Variants in SPIN1 observed in about 807,000 individuals in gnomAD.
SPIN1 encodes the protein spindlin-1.
Under a neutral mutation model 26.0 loss-of-function variants are expected in SPIN1, and 3 were observed. That is an observed-to-expected ratio of 0.12 (90% confidence interval 0.05 to 0.30). SPIN1 has a LOEUF of 0.30. Among genes scored for constraint, SPIN1 ranks in the 10% least tolerant of loss-of-function variants. The pLI is 1.00. For missense variants in SPIN1, 126 were observed against 333.4 expected, an observed-to-expected ratio of 0.38 and a Z score of 4.84; for synonymous variants, 101 against 116.5, an observed-to-expected ratio of 0.87 and a Z score of 0.86.
chr9:88,400,844 CAAAAA>C (rs754813928), intron 1 of SPIN1, among the ~76,000 whole-genome samples: 1 of 99,724 alleles, frequency 1.0e-5, no homozygotes. Flanking sequence ...GACTCCGCCT[CAAAAA>C]AAAAAAAAAA....
intron 1 of SPIN1, among the ~76,000 whole-genome samples, chr9:88,400,951 T>A (rs1416051687): frequency 1.3e-5 from 2 of 152,056 alleles, no homozygotes; most frequent in Non-Finnish European, 2.9e-5. Context: ...AAGTCGAGGC[T>A]GCGGTGAGCC....
At chr9:88,401,972 G>A (rs776265904) in intron 1 of SPIN1, among the ~76,000 whole-genome samples, 24 of 152,154 alleles carry the variant, frequency 1.6e-4, no homozygotes, top group Admixed American at 2.6e-4. Flanking sequence ...GGTACCTGGA[G>A]CATCCATCAC....
chr9:88,454,561 G>A (rs1176835478), intron 3 of SPIN1, among the ~76,000 whole-genome samples: 1 of 152,018 alleles, frequency 6.6e-6, no homozygotes, highest in Non-Finnish European at 1.5e-5. Context: ...TTAGGAACTT[G>A]TTCAATATAT....
intron 2 of SPIN1, among the ~76,000 whole-genome samples, chr9:88,442,754 C>A (rs1025293008): frequency 4.0e-5 from 6 of 151,392 alleles, no homozygotes; most frequent in African/African-American, 1.5e-4. Flanking sequence ...TAGTTTTTTT[C>A]TGGCATTTAT....
At chr9:88,415,431 A>G (rs1393608290) in intron 1 of SPIN1, among the ~76,000 whole-genome samples, 3 of 151,982 alleles carry the variant, frequency 2.0e-5, no homozygotes, top group Non-Finnish European at 2.9e-5. Context: ...TCATTGTAAC[A>G]TTTATTTTTT....
chr9:88,391,210 TTGG>T lies in SPIN1; in HGVS notation c.-159+2677_-159+2679del, dbSNP rs745500858. Among the ~76,000 whole-genome samples, 84 of 152,156 alleles carry T rather than the reference TTGG, an allele frequency of 5.5e-4. 1 individual carries two copies. The highest frequency in any genetic ancestry group is 8.8e-4 in the Non-Finnish European group (60 of 68,026). ...AGCTACATAGATCTCTGATAAATTA[TTGG>T]TGGTATGGTAGAAATGAAAATATAC... On this transcript the variant is annotated intron_variant, in intron 1 of 5. Coordinates refer to ENST00000375859, the MANE Select transcript of SPIN1 (RefSeq NM_006717.3).
intron 3 of SPIN1, among the ~76,000 whole-genome samples, chr9:88,456,059 C>T (rs1209855844): frequency 6.6e-6 from 1 of 152,074 alleles, no homozygotes; most frequent in Non-Finnish European, 1.5e-5. Context: ...CTTTAGTTTC[C>T]CGTGTTAGCA....
rs189285552 is a variant in SPIN1 at position 88,440,650 on chromosome 9, C to T, written c.53-8291C>T. On this transcript the variant is annotated intron_variant, in intron 2 of 5. Coordinates refer to ENST00000375859, the MANE Select transcript of SPIN1 (RefSeq NM_006717.3). Reference sequence around the variant, plus strand: ...CTGGAGTGCAGTGGTGTGGTCTCAGCGTACTGCAACCTCCGCCACCCGTGT... The same window carrying T: ...CTGGAGTGCAGTGGTGTGGTCTCAGTGTACTGCAACCTCCGCCACCCGTGT... Among the ~76,000 whole-genome samples, 527 of 149,714 alleles carry T rather than the reference C, an allele frequency of 3.5e-3. 9 individuals carry two copies. Among genetic ancestry groups the T allele is most frequent in the Middle Eastern group, 0.014 (4 of 292 alleles).
At chr9:88,451,440 C>T (rs892881708) in intron 3 of SPIN1, among the ~76,000 whole-genome samples, 23 of 152,218 alleles carry the variant, frequency 1.5e-4, no homozygotes, top group African/African-American at 5.5e-4. Context: ...TAGAAGCAAG[C>T]TTTTTTTTCC....
At position 88,462,584 on chromosome 9, in the gene SPIN1, G is replaced by C; in HGVS notation, c.190G>C (p.Glu64Gln). 6.2e-7 allele frequency: 1 copy of C among 1,614,170 alleles called. No homozygotes were observed. Among genetic ancestry groups the C allele is most frequent in the Non-Finnish European group, 8.5e-7 (1 of 1,180,026 alleles). Reference protein sequence around the residue: ...VGCRIQHGWKEGNGPVTQWKG... With the variant: ...VGCRIQHGWKQGNGPVTQWKG... ...CTGCAGGATTCAGCATGGGTGGAAA[G>C]AGGGGAATGGCCCTGTTACCCAGTG... The change falls in exon 4 of 6, where the codon GAG becomes CAG. Residue 64 changes from glutamate to glutamine, a missense_variant. This residue lies in a region of SPIN1 where 63 missense variants were observed against 101.3 expected (regional missense o/e 0.62). Transcript: ENST00000375859.
chr9:88,410,783 C>G (rs1323833093), intron 1 of SPIN1: 3 of 1,096,034 alleles, frequency 2.7e-6, no homozygotes, highest in East Asian at 2.3e-5. Context: ...CCACTGCCAC[C>G]AAAGCCACCA....
At chr9:88,448,324 G>A (rs1276326567) in intron 2 of SPIN1, among the ~76,000 whole-genome samples, 7 of 152,010 alleles carry the variant, frequency 4.6e-5, no homozygotes, top group Admixed American at 1.3e-4. Context: ...GATTACAGGC[G>A]TGAGCCACTG....
intron 2 of SPIN1, among the ~76,000 whole-genome samples, chr9:88,441,085 T>C (rs1339986510): frequency 6.6e-6 from 1 of 151,912 alleles, no homozygotes; most frequent in Non-Finnish European, 1.5e-5. Context: ...ATTGAAAATA[T>C]CCAGAAAAAC....
chr9:88,431,482 G>A (rs1489159301), intron 2 of SPIN1, among the ~76,000 whole-genome samples: 3 of 151,176 alleles, frequency 2.0e-5, no homozygotes, highest in African/African-American at 7.3e-5. Flanking sequence ...TAGAGACGGG[G>A]TTTCTCCATG....
chr9:88,424,187 T>G (rs1827722724), intron 1 of SPIN1, among the ~76,000 whole-genome samples: 1 of 152,128 alleles, frequency 6.6e-6, no homozygotes, highest in South Asian at 2.1e-4. Context: ...ATTGCATCTT[T>G]TATTATGGAG....
chr9:88,457,936 A>C lies in SPIN1; in HGVS notation c.102-4560A>C. 4.1e-6 allele frequency: 4 copies of C among 985,344 alleles called. No homozygotes were observed. In the South Asian group the frequency reaches 1.9e-4, roughly 46 times the overall value. 61.0% of individuals were successfully genotyped at this position (985,344 alleles called of 1,614,324 possible). ...ATACCAATTTGTAACAAAAGTCTAC[A>C]TTTCAGCAATGCAGTAGAATTAGCC... On this transcript the variant is annotated intron_variant, in intron 3 of 5. Coordinates refer to ENST00000375859, the MANE Select transcript of SPIN1 (RefSeq NM_006717.3).
chr9:88,461,939 T>C (rs17054151), intron 3 of SPIN1, among the ~76,000 whole-genome samples: 4 of 152,214 alleles, frequency 2.6e-5, no homozygotes, highest in Admixed American at 6.5e-5. Context: ...TGCATTGATA[T>C]AAGCTAGTCT....
intron 2 of SPIN1, among the ~76,000 whole-genome samples, chr9:88,443,799 A>G (rs1828187599): frequency 6.6e-6 from 1 of 152,088 alleles, no homozygotes; most frequent in African/African-American, 2.4e-5. Flanking sequence ...TGTACTTCTC[A>G]GTTTCCCCAC....
At chr9:88,397,037 T>TGTGAGTGAGTG (rs539410943) in intron 1 of SPIN1, among the ~76,000 whole-genome samples, 1 of 152,092 alleles carries the variant, frequency 6.6e-6, no homozygotes, top group African/African-American at 2.4e-5. Context: ...GGGTTGAGTC[T>TGTGAGTGAGTG]GTGAGTGAGT....
Sources: allele counts gnomAD v4.1 joint callset (sites outside exome capture counted in the v4.1 genomes callset), GRCh38; gene constraint gnomAD v4.1.1; regional missense constraint gnomAD v4.1.1; transcripts MANE v1.5; gene names NCBI Gene and HGNC (gene_info 2026-07-23, HGNC 2026-07-21).